GABRB1: variants seen among roughly 807,000 people sequenced by gnomAD.
GABRB1 encodes gamma-aminobutyric acid type A receptor subunit beta1, also known as gamma-aminobutyric acid receptor subunit beta-1.
In GABRB1, 17 loss-of-function variants were observed where a neutral mutation model predicts 51.6. The ratio of observed to expected loss-of-function variants is 0.33; its 90% CI spans 0.23 to 0.49. The LOEUF (loss-of-function observed/expected upper bound fraction) is 0.49, where lower values mean the gene tolerates loss of function less well. GABRB1 is among the 20% of genes least tolerant of loss of function. The pLI is 0.99. For synonymous variants in GABRB1, 247 were observed against 218.9 expected (o/e 1.13, Z -1.14); for missense variants, 410 against 600.6 (o/e 0.68, Z 3.32).
intron 3 of GABRB1, among the ~76,000 whole-genome samples, chr4:47,122,848 G>A (rs1005654243): frequency 7.2e-5 from 11 of 152,152 alleles, no homozygotes; most frequent in Non-Finnish European, 1.6e-4. Flanking sequence ...TCTTCCCCTA[G>A]CCTTGAAGCC....
intron 3 of GABRB1, among the ~76,000 whole-genome samples, chr4:47,128,765 G>A (rs138915479): frequency 3.4e-4 from 51 of 152,044 alleles, no homozygotes; most frequent in African/African-American, 1.1e-3. Context: ...AAATGAGTAG[G>A]TTTTTATATC....
At chr4:47,211,288 A>C (rs1013289409) in intron 4 of GABRB1, among the ~76,000 whole-genome samples, 4 of 152,212 alleles carry the variant, frequency 2.6e-5, no homozygotes, top group Non-Finnish European at 5.9e-5. Flanking sequence ...AGTTTGAAGC[A>C]AGAAAAACAT....
chr4:47,063,916 A>G (rs1726946173), intron 3 of GABRB1, among the ~76,000 whole-genome samples: 1 of 152,066 alleles, frequency 6.6e-6, no homozygotes, highest in Non-Finnish European at 1.5e-5. Flanking sequence ...AGCATTAGAG[A>G]AAAGAGCTAA....
chr4:47,267,002 A>C (rs1415789297), intron 4 of GABRB1, among the ~76,000 whole-genome samples: 1 of 152,104 alleles, frequency 6.6e-6, no homozygotes, highest in Non-Finnish European at 1.5e-5. Flanking sequence ...ATTAATATAT[A>C]ATGGTAAAGT....
intron 4 of GABRB1, among the ~76,000 whole-genome samples, chr4:47,171,070 A>G (rs1718417587): frequency 6.6e-6 from 1 of 152,182 alleles, no homozygotes; most frequent in Non-Finnish European, 1.5e-5. Flanking sequence ...ACATTAAATG[A>G]GCAACTGAAA....
At chr4:47,369,459 ACACT>A (rs1727111388) in intron 5 of GABRB1, among the ~76,000 whole-genome samples, 1 of 147,188 alleles carries the variant, frequency 6.8e-6, no homozygotes, top group African/African-American at 2.5e-5. Context: ...ACACACACAC[ACACT>A]CATTTCTACA....
At chr4:47,123,734 ATATTATTATATATATAATATAT>A (rs1448122717) in intron 3 of GABRB1, among the ~76,000 whole-genome samples, 2 of 88,668 alleles carry the variant, frequency 2.3e-5, no homozygotes, top group African/African-American at 9.3e-5. Flanking sequence ...GATATATCAT[ATATTATTATATATATAATATAT>A]TATAATATAT....
At chr4:47,168,692 A>C (rs1718312276) in intron 4 of GABRB1, among the ~76,000 whole-genome samples, 1 of 152,140 alleles carries the variant, frequency 6.6e-6, no homozygotes, top group African/African-American at 2.4e-5. Context: ...AGCGTGATCT[A>C]TCCACTTATA....
chr4:47,275,622 C>CT (rs1723045293), intron 4 of GABRB1, among the ~76,000 whole-genome samples: 1 of 152,018 alleles, frequency 6.6e-6, no homozygotes, highest in Non-Finnish European at 1.5e-5. Flanking sequence ...GACAAGAAAA[C>CT]TTTATCATAT....
At position 47,205,714 on chromosome 4, in the gene GABRB1, TGAGCTTCTGCACTTACTGAGTCAAGAAA is replaced by T. The variant is rs570106600; in HGVS notation, c.461+44269_461+44296del. On this transcript the variant is annotated intron_variant, in intron 4 of 8. Coordinates refer to ENST00000295454, the MANE Select transcript of GABRB1 (RefSeq NM_000812.4). ...TATCACCAATCTCTTCATTTCTTTTTGAGCTTCTGCACTTACTGAGTCAAGAAAGAGCTTCTGCACTTACTGAGTCAGG... is the reference window on the plus strand; with the variant it reads ...TATCACCAATCTCTTCATTTCTTTTTGAGCTTCTGCACTTACTGAGTCAGG... 4.3e-4 allele frequency among the ~76,000 whole-genome samples: 65 copies of T among 152,262 alleles called. No homozygotes were observed. In the East Asian group the frequency reaches 0.011, roughly 26 times the overall value.
At position 47,185,574 on chromosome 4, in the gene GABRB1, T is replaced by C. The variant is rs569821171; in HGVS notation, c.461+24105T>C. On this transcript the variant is annotated intron_variant, in intron 4 of 8. Coordinates refer to ENST00000295454, the MANE Select transcript of GABRB1 (RefSeq NM_000812.4). ...ACCCACCTTGTTGTAAAAAAAATGG[T>C]ATGGTGTATTATCAAGCAGAGCGAT... is the stretch of plus-strand genomic sequence containing the variant. Among the ~76,000 whole-genome samples, 198 of 151,766 alleles carry C rather than the reference T, an allele frequency of 1.3e-3. 1 individual carries two copies. Among genetic ancestry groups the C allele is most frequent in the Non-Finnish European group, 2.5e-3 (167 of 67,806 alleles).
intron 4 of GABRB1, among the ~76,000 whole-genome samples, chr4:47,295,088 C>A (rs1251450059): frequency 1.3e-5 from 2 of 152,266 alleles, no homozygotes; most frequent in African/African-American, 4.8e-5. Flanking sequence ...AAAGGACATA[C>A]ACAACAAAAA....
chr4:47,198,190 T>C (rs1203898796), intron 4 of GABRB1, among the ~76,000 whole-genome samples: 2 of 152,146 alleles, frequency 1.3e-5, no homozygotes, highest in Admixed American at 6.5e-5. Context: ...AATCTCTATA[T>C]TGGGGACAAT....
At chr4:47,409,455 C>T (rs11946601) in intron 8 of GABRB1, among the ~76,000 whole-genome samples, 6,867 of 152,062 alleles carry the variant, frequency 0.045, 519 homozygotes, top group African/African-American at 0.15. Flanking sequence ...TCTCTCCGAC[C>T]ATCTCCAGCC....
At chr4:47,265,575 C>T (rs554719070) in intron 4 of GABRB1, among the ~76,000 whole-genome samples, 1 of 152,238 alleles carries the variant, frequency 6.6e-6, no homozygotes, top group Admixed American at 6.5e-5. Flanking sequence ...TATAAGTGCT[C>T]TCATTTCTCC....
At chr4:47,161,123 T>G in intron 3 of GABRB1, 126 bp from the exon 4 acceptor site, 1 of 654,804 alleles carries the variant, frequency 1.5e-6, no homozygotes, top group Non-Finnish European at 2.6e-6. Context: ...GGTTACCTTA[T>G]ACCTCTAGGT....
intron 4 of GABRB1, among the ~76,000 whole-genome samples, chr4:47,187,498 G>A (rs537694465): frequency 1.8e-4 from 27 of 151,914 alleles, no homozygotes; most frequent in Non-Finnish European, 3.2e-4. Flanking sequence ...GGTGGTATAA[G>A]AAATGAAATT....
At chr4:47,213,766 T>TG (rs1235253189) in intron 4 of GABRB1, among the ~76,000 whole-genome samples, 5 of 152,086 alleles carry the variant, frequency 3.3e-5, no homozygotes, top group Non-Finnish European at 7.4e-5. Flanking sequence ...TCTTCTGTTT[T>TG]GGGGGGCCAG....
intron 4 of GABRB1, among the ~76,000 whole-genome samples, chr4:47,267,251 G>A (rs1474024201): frequency 6.6e-6 from 1 of 151,848 alleles, no homozygotes; most frequent in Non-Finnish European, 1.5e-5. Context: ...AGAGAGATGA[G>A]ACTTTATACA....
Sources: gnomAD v4.1 joint callset for allele counts (sites outside exome capture counted in the v4.1 genomes callset) on GRCh38, gnomAD v4.1.1 for gene constraint, MANE v1.5 for transcripts, NCBI Gene and HGNC (gene_info 2026-07-23, HGNC 2026-07-21) for gene names.